KCNT1: variants seen among roughly 807,000 people sequenced by gnomAD.
KCNT1 encodes potassium sodium-activated channel subfamily T member 1, also known as potassium channel subfamily T member 1.
In KCNT1, 78 loss-of-function variants were observed where a neutral mutation model predicts 147.8. The ratio of observed to expected loss-of-function variants is 0.53; its 90% CI spans 0.44 to 0.64. The LOEUF (loss-of-function observed/expected upper bound fraction) is 0.64. KCNT1 is among the 30% of genes least tolerant of loss of function. The probability of loss-of-function intolerance (pLI) is 0.00; values close to 1 mark genes in which losing one functional copy is unlikely to be tolerated. For missense variants in KCNT1, 1,419 were observed against 1,750.3 expected (o/e 0.81, Z 3.38); for synonymous variants, 867 against 748.8 (o/e 1.16, Z -2.58).
At chr9:135,768,350 G>GGGA in intron 13 of KCNT1, 1 of 214,898 alleles carries the variant, frequency 4.7e-6, no homozygotes. Context: ...GGGTTGGGGG[G>GGGA]GGGGGGGGCA....
chr9:135,777,610 C>A, intron 21 of KCNT1, 100 bp downstream of exon 21: 1 of 1,156,546 alleles, frequency 8.6e-7, no homozygotes, highest in Non-Finnish European at 1.2e-6. Flanking sequence ...TTGCAGAGGG[C>A]ACGGGAACAT....
At chr9:135,778,357 C>T (rs1833330974) in intron 21 of KCNT1, 67 bp from the exon 22 acceptor site, 2 of 1,426,926 alleles carry the variant, frequency 1.4e-6, no homozygotes, top group African/African-American at 1.4e-5. Context: ...AGGGTAGGGC[C>T]CCACTGGGCC....
rs1834726328 is a variant in KCNT1, at chr9:135,794,670, G to GTGAC, written c.*2512_*2515dup. 1 of 152,386 alleles carries GTGAC rather than the reference G, an allele frequency of 6.6e-6. No individual in the cohort carries two copies. Among genetic ancestry groups the GTGAC allele is most frequent in the Non-Finnish European group, 1.5e-5 (1 of 68,056 alleles). 9.4% of individuals were successfully genotyped at this position (152,386 alleles called of 1,614,324 possible). A position where few individuals can be genotyped will look rare whatever the true frequency, so the allele number is the denominator to read the frequency against. On this transcript the variant is annotated 3_prime_UTR_variant, in exon 31 of 31. Transcript: ENST00000371757. ...CCAGGGGCTGGAACCAGGCAGGTCAGTGACTGTGAGATGCCAGCTGCCAGC... is the reference window on the plus strand; with the variant it reads ...CCAGGGGCTGGAACCAGGCAGGTCAGTGACTGACTGTGAGATGCCAGCTGCCAGC...
At chr9:135,709,145 C>G (rs1835377491) in intron 1 of KCNT1, among the ~76,000 whole-genome samples, 1 of 152,230 alleles carries the variant, frequency 6.6e-6, no homozygotes, top group Non-Finnish European at 1.5e-5. Context: ...TCTATATCAC[C>G]TACAAGCTGG....
Position 135,778,793 on chromosome 9 carries a change from G to C in KCNT1, c.2700G>C (p.Lys900Asn). The C allele has an allele frequency of 6.2e-7, 1 of 1,613,892 alleles. No homozygotes were observed. The highest frequency in any genetic ancestry group is 1.1e-5 in the South Asian group (1 of 91,080). The change falls in exon 23 of 31, where the codon AAG (lysine) becomes AAC (asparagine). Residue 900 changes from lysine (K) to asparagine (N), a missense_variant. By Grantham distance (94) the Lys-to-Asn change is moderately conservative (BLOSUM62 0). This residue lies in a region of KCNT1 where 247 missense variants were observed against 397.1 expected (regional missense o/e 0.62). Coordinates refer to ENST00000371757, the MANE Select transcript of KCNT1 (RefSeq NM_020822.3). ...SAEEDYMADAKTIVNVQTMFR... is the reference protein window; with the variant it reads ...SAEEDYMADANTIVNVQTMFR... Reference sequence around the variant, plus strand: ...AGGAGGACTACATGGCGGACGCCAAGACCATCGTCAACGTGCAGACCATGT... The same window carrying C: ...AGGAGGACTACATGGCGGACGCCAACACCATCGTCAACGTGCAGACCATGT...
chr9:135,759,091 TGACA>T (rs1241793829), intron 10 of KCNT1, among the ~76,000 whole-genome samples: 2 of 152,198 alleles, frequency 1.3e-5, no homozygotes, highest in Admixed American at 6.5e-5. Flanking sequence ...CTGCCCCTCA[TGACA>T]GACTGACAGA....
intron 29 of KCNT1, among the ~76,000 whole-genome samples, chr9:135,788,778 T>G (rs989718037): frequency 3.3e-5 from 5 of 152,178 alleles, no homozygotes; most frequent in African/African-American, 1.2e-4. Flanking sequence ...GCAGAGCCGC[T>G]CCACACCCCG....
At chr9:135,788,440 G>A (rs574703242) in intron 29 of KCNT1, among the ~76,000 whole-genome samples, 9 of 152,378 alleles carry the variant, frequency 5.9e-5, no homozygotes, top group South Asian at 2.1e-4. Flanking sequence ...CCCAGCTCTC[G>A]GGCTCACCCT....
chr9:135,749,997 T>TTGGAAAGTTGGAAGAAGAGG, intron 2 of KCNT1, 101 bp from the exon 3 acceptor site: 1 of 895,922 alleles, frequency 1.1e-6, no homozygotes, highest in Non-Finnish European at 1.8e-6. Context: ...ACTCCTGCAG[T>TTGGAAAGTTGGAAGAAGAGG]TGGAAAGTTG....
chr9:135,786,686 G>A (rs1443642452), intron 29 of KCNT1, among the ~76,000 whole-genome samples, 165 bp downstream of exon 29: 1 of 152,256 alleles, frequency 6.6e-6, no homozygotes, highest in Non-Finnish European at 1.5e-5. Context: ...CCTCTACTGT[G>A]GGGCCAGCTG....
chr9:135,779,295 GCCCCCAC>G (rs1265477586), intron 23 of KCNT1, 57 bp from the exon 24 acceptor site: 10 of 985,026 alleles, frequency 1.0e-5, no homozygotes, highest in Non-Finnish European at 1.6e-5. Flanking sequence ...ATGATCATGG[GCCCCCAC>G]CCTGAGACCT....
At chr9:135,760,053 C>T (rs1343945472) in intron 11 of KCNT1, among the ~76,000 whole-genome samples, 194 bp downstream of exon 11, 2 of 152,080 alleles carry the variant, frequency 1.3e-5, no homozygotes, top group Non-Finnish European at 2.9e-5. Flanking sequence ...TGGTGCTCAG[C>T]ATGGTGGGTA....
intron 2 of KCNT1, among the ~76,000 whole-genome samples, chr9:135,724,763 G>A (rs1836063218): frequency 6.6e-6 from 1 of 152,238 alleles, no homozygotes; most frequent in African/African-American, 2.4e-5. Flanking sequence ...CCTAGCTCCG[G>A]CTGGGTCGGC....
At chr9:135,770,160 C>T (rs2131506440) in intron 16 of KCNT1, 105 bp downstream of exon 16, 3 of 1,373,510 alleles carry the variant, frequency 2.2e-6, no homozygotes, top group Admixed American at 2.1e-5. Context: ...AGAGGAGGGG[C>T]ACATGGCGGG....
intron 2 of KCNT1, among the ~76,000 whole-genome samples, chr9:135,743,963 G>C (rs956348979): frequency 6.6e-6 from 1 of 152,248 alleles, no homozygotes; most frequent in African/African-American, 2.4e-5. Context: ...TTGGCAGTGG[G>C]CCTGAAGCCT....
chr9:135,732,302 A>G (rs1830136083), intron 2 of KCNT1, among the ~76,000 whole-genome samples: 3 of 152,034 alleles, frequency 2.0e-5, no homozygotes, highest in Non-Finnish European at 2.9e-5. Flanking sequence ...TACAGGCATG[A>G]GCCACCGCAA....
chr9:135,768,891 C>T lies in KCNT1; in HGVS notation c.1464C>T (p.Tyr488=), dbSNP rs375585422. ...ACTTCGCCCCCAACTGCCCCCTCTA[C>T]GTCCAGATCCTCAAACCTGAAAACA... The part of the protein sequence containing the change: ...VKDFAPNCPL[Y]VQILKPENKF... The change falls in exon 15 of 31, where the codon TAC becomes TAT. Residue 488 remains tyrosine, a synonymous_variant. Transcript: ENST00000371757. The T allele has an allele frequency of 8.7e-6, 14 of 1,613,460 alleles. No individual in the cohort carries two copies. The highest frequency in any genetic ancestry group is 4.4e-5 in the South Asian group (4 of 91,058).
At chr9:135,722,837 C>T (rs1415672566) in intron 2 of KCNT1, among the ~76,000 whole-genome samples, 1 of 152,228 alleles carries the variant, frequency 6.6e-6, no homozygotes, top group East Asian at 1.9e-4. Flanking sequence ...CTCCTGAAGG[C>T]CCTGTCTCTA....
chr9:135,704,421 G>A (rs1426322488), intron 1 of KCNT1, among the ~76,000 whole-genome samples: 1 of 152,244 alleles, frequency 6.6e-6, no homozygotes, highest in African/African-American at 2.4e-5. Flanking sequence ...GGGCTCCAGA[G>A]AGGAGCTCCT....
Sources: allele counts gnomAD v4.1 joint callset (sites outside exome capture counted in the v4.1 genomes callset), GRCh38; gene constraint gnomAD v4.1.1; regional missense constraint gnomAD v4.1.1; transcripts MANE v1.5; gene names NCBI Gene and HGNC (gene_info 2026-07-23, HGNC 2026-07-21).